The following KIAA0753 variants were observed in gnomAD, a reference collection of about 807,000 sequenced individuals.
The protein encoded by KIAA0753 is KIAA0753, also known as protein moonraker.
KIAA0753 carries 114 observed loss-of-function variants against 116.9 expected under a neutral mutation model. The observed-to-expected ratio is 0.98, with a 90% CI of 0.84 to 1.14. KIAA0753 has a LOEUF of 1.14. KIAA0753 is among the 50% of genes most tolerant of loss of function. KIAA0753 has a pLI of 0.00. For missense variants in KIAA0753, 1,156 were observed against 1,172.4 expected, an observed-to-expected ratio of 0.99 and a Z score of 0.20; for synonymous variants, 405 against 413.1, an observed-to-expected ratio of 0.98 and a Z score of 0.24.
At chr17:6,616,333 G>C (rs1186269377) in intron 7 of KIAA0753, among the ~76,000 whole-genome samples, 1 of 152,106 alleles carries the variant, frequency 6.6e-6, no homozygotes, top group East Asian at 1.9e-4. Flanking sequence ...TTTTAAAATA[G>C]CCACCAAAGA....
intron 16 of KIAA0753, 136 bp from the exon 17 acceptor site, chr17:6,590,766 A>G (rs1968938463): frequency 1.4e-6 from 1 of 737,142 alleles, no homozygotes. Context: ...CTAGCAGTGC[A>G]ATGGGAAAAT....
chr17:6,632,358 AAAT>A (rs1465154739), intron 2 of KIAA0753, among the ~76,000 whole-genome samples: 2 of 152,240 alleles, frequency 1.3e-5, no homozygotes, highest in Admixed American at 6.5e-5. Flanking sequence ...ATGAGAATAA[AAAT>A]AATAATGAGT....
At position 6,599,259 on chromosome 17, in the gene KIAA0753, G is replaced by C; in HGVS notation, c.2150C>G (p.Ala717Gly). 1 of 1,613,572 alleles carries C rather than the reference G, an allele frequency of 6.2e-7. No homozygotes were observed. The highest frequency in any genetic ancestry group is 8.5e-7 in the Non-Finnish European group (1 of 1,179,570). Residue 717 changes from alanine (A) to glycine (G), a missense_variant, in exon 14 of 19, where the codon GCG (alanine) becomes GGG (glycine). Physicochemically the swap from Ala to Gly is moderately conservative, Grantham distance 60 (BLOSUM62 0). Transcript: ENST00000361413. The part of the protein sequence containing the change: ...HLKDGSSVNT[A>G]KAQPAQEVAA... The stretch of plus-strand genomic sequence containing the variant: ...TACCTCCTGTGCAGGCTGGGCTTTC[G>C]CTGTGTTTACTGACGAGCCATCTTT...
intron 7 of KIAA0753, among the ~76,000 whole-genome samples, chr17:6,613,158 C>G (rs890151182): frequency 1.3e-5 from 2 of 151,946 alleles, no homozygotes; most frequent in South Asian, 2.1e-4. Context: ...ATCAAAATAA[C>G]TAATAGAAAA....
rs1447633314 is a variant in KIAA0753 at position 6,620,925 on chromosome 17, C to A, written c.1178G>T (p.Arg393Ile). The change falls in exon 7 of 19, where the codon AGA (arginine) becomes ATA (isoleucine). Residue 393 changes from arginine (R) to isoleucine (I), a missense_variant. Arg to Ile is a moderately conservative substitution (Grantham distance 97). Transcript: ENST00000361413. ...GGCCTTTTGGCTACCGATAGGAAAT[C>A]TGCTCCGAATTTCACTGAAACATTT... ...VKKCFSEIRSRFPIGSQKALE... is the reference protein window; with the variant it reads ...VKKCFSEIRSIFPIGSQKALE... The A allele has an allele frequency of 6.2e-7, 1 of 1,614,050 alleles. No homozygotes were observed. Among genetic ancestry groups the A allele is most frequent in the Non-Finnish European group, 8.5e-7 (1 of 1,180,022 alleles).
At chr17:6,598,776 CT>C (rs1969651045) in intron 14 of KIAA0753, among the ~76,000 whole-genome samples, 1 of 152,136 alleles carries the variant, frequency 6.6e-6, no homozygotes, top group Admixed American at 6.5e-5. Context: ...CCTGGGTCAC[CT>C]TTTTCTCTCT....
chr17:6,634,773 G>C, intron 2 of KIAA0753: 2 of 447,516 alleles, frequency 4.5e-6, no homozygotes, highest in South Asian at 5.3e-5. Context: ...AAGTAGGAGA[G>C]TTCATTTTTA....
chr17:6,591,679 G>C (rs1969075018), intron 16 of KIAA0753, among the ~76,000 whole-genome samples: 1 of 152,218 alleles, frequency 6.6e-6, no homozygotes, highest in Admixed American at 6.5e-5. Context: ...CTTGAAAAAA[G>C]AGAACACTAA....
intron 12 of KIAA0753, among the ~76,000 whole-genome samples, chr17:6,604,301 A>T (rs1970057491): frequency 6.6e-6 from 1 of 150,998 alleles, no homozygotes. Flanking sequence ...GAGTGCAGTG[A>T]CATGATCATG....
chr17:6,595,191 G>A lies in KIAA0753; in HGVS notation c.2359-138C>T, dbSNP rs114383142. On this transcript the variant is annotated intron_variant, in intron 15 of 18. Transcript: ENST00000361413. Reference sequence around the variant, plus strand: ...CAGACATGGGCACCTGTCAGGCCAGGAAGTAATTAGTTCATGAGACGAAGT... The same window carrying A: ...CAGACATGGGCACCTGTCAGGCCAGAAAGTAATTAGTTCATGAGACGAAGT... 5.8e-4 allele frequency: 369 copies of A among 635,336 alleles called. 2 individuals carry two copies. The African/African-American group carries it at 6.2e-3, about 11-fold the overall frequency. The allele number at this position is 635,336 out of a possible 1,614,324, so 39.4% of individuals were successfully genotyped here. A position where few individuals can be genotyped will look rare whatever the true frequency, so the allele number is the denominator to read the frequency against.
chr17:6,589,744 G>T (rs764272901), intron 18 of KIAA0753, 35 bp downstream of exon 18: 4 of 1,527,898 alleles, frequency 2.6e-6, no homozygotes, highest in Non-Finnish European at 3.6e-6. Context: ...TTTGCAATTT[G>T]GTTCCTAAAC....
Position 6,589,889 on chromosome 17 carries a change from T to G in KIAA0753, c.2676A>C (p.Pro892=), listed in dbSNP as rs201893596. The G allele has an allele frequency of 1.8e-4, 295 of 1,613,990 alleles. No individual in the cohort carries two copies. The highest frequency in any genetic ancestry group is 3.0e-4 in the Admixed American group (18 of 59,998). ...QKEGRAPLFV[P]PGMQHSIGDY... Reference sequence around the variant, plus strand: ...CACCGATGCTGTGCTGCATACCCGGTGGGACAAAGAGGGGAGCTCGGCCTT... The same window carrying G: ...CACCGATGCTGTGCTGCATACCCGGGGGGACAAAGAGGGGAGCTCGGCCTT... The change falls in exon 18 of 19, where the codon CCA becomes CCC. Residue 892 remains proline (P), a synonymous_variant. Coordinates refer to ENST00000361413, the MANE Select transcript of KIAA0753 (RefSeq NM_014804.3).
intron 12 of KIAA0753, among the ~76,000 whole-genome samples, chr17:6,602,266 G>A (rs1340624412): frequency 6.6e-6 from 1 of 152,160 alleles, no homozygotes; most frequent in Non-Finnish European, 1.5e-5. Context: ...ATACTCCTAG[G>A]CATTTACCCA....
chr17:6,628,721 C>T lies in KIAA0753; in HGVS notation c.114G>A (p.Arg38=). 1 of 1,593,354 alleles carries T rather than the reference C, an allele frequency of 6.3e-7. No homozygotes were observed. Among genetic ancestry groups the T allele is most frequent in the Non-Finnish European group, 8.5e-7 (1 of 1,170,994 alleles). ...AGTTGCTTGAATGTGTAGGAACATT[C>T]CTATTAAACTGCAGCTGGTTCTTTA... ...LQTQNQLQFN[R]NVPTHSSNLA... is the part of the protein sequence containing the mutation. The change falls in exon 3 of 19, where the codon AGG becomes AGA. Residue 38 remains arginine (R), a synonymous_variant. Coordinates refer to ENST00000361413, the MANE Select transcript of KIAA0753 (RefSeq NM_014804.3).
At chr17:6,597,470 A>C (rs1969562162) in intron 14 of KIAA0753, among the ~76,000 whole-genome samples, 1 of 152,228 alleles carries the variant, frequency 6.6e-6, no homozygotes, top group Non-Finnish European at 1.5e-5. Flanking sequence ...TGATACAGAA[A>C]GAGCACAAAA....
At chr17:6,607,856 C>A (rs1371449648) in intron 10 of KIAA0753, among the ~76,000 whole-genome samples, 1 of 152,184 alleles carries the variant, frequency 6.6e-6, no homozygotes, top group Admixed American at 6.5e-5. Context: ...TGAAATCCTG[C>A]CTGTTCTTCA....
intron 4 of KIAA0753, 173 bp from the exon 5 acceptor site, chr17:6,623,744 T>A (rs1252730808): frequency 4.7e-5 from 42 of 896,872 alleles, no homozygotes; most frequent in Non-Finnish European, 7.8e-6. Flanking sequence ...GTTACTGGTT[T>A]CCAGTTCAAG....
At chr17:6,625,038 G>C (rs1236316952) in intron 3 of KIAA0753, among the ~76,000 whole-genome samples, 177 bp from the exon 4 acceptor site, 1 of 152,176 alleles carries the variant, frequency 6.6e-6, no homozygotes, top group Non-Finnish European at 1.5e-5. Flanking sequence ...CCAGCAGTAA[G>C]TGGAGCTGTG....
chr17:6,586,251 G>A (rs184340478), intron 18 of KIAA0753, among the ~76,000 whole-genome samples: 42 of 152,252 alleles, frequency 2.8e-4, no homozygotes, highest in African/African-American at 9.6e-4. Flanking sequence ...CATGCTTCCT[G>A]TAAAGCCTGC....
Sources: allele counts gnomAD v4.1 joint callset (sites outside exome capture counted in the v4.1 genomes callset), GRCh38; gene constraint gnomAD v4.1.1; transcripts MANE v1.5; gene names NCBI Gene and HGNC (gene_info 2026-07-23, HGNC 2026-07-21).